The following ERC2 variants were observed in gnomAD, a reference collection of about 807,000 sequenced individuals.
ERC2 encodes the protein ERC protein 2.
ERC2 carries 42 observed loss-of-function variants against 114.8 expected under a neutral mutation model. That is an observed-to-expected ratio of 0.37 (90% CI 0.29 to 0.47). The LOEUF (loss-of-function observed/expected upper bound fraction) is 0.47. Ranked by LOEUF, ERC2 falls within the 20% of genes least tolerant of loss-of-function variation. ERC2 has a pLI of 0.99. For synonymous variants in ERC2, 454 were observed against 425.5 expected, an observed-to-expected ratio of 1.07 and a Z score of -0.82; for missense variants, 939 against 1,150.7, an observed-to-expected ratio of 0.82 and a Z score of 2.66.
At chr3:55,624,774 C>T (rs1277763334) in intron 17 of ERC2, among the ~76,000 whole-genome samples, 1 of 151,992 alleles carries the variant, frequency 6.6e-6, no homozygotes, top group Non-Finnish European at 1.5e-5. Context: ...AAATGGTAAC[C>T]ATGTCTGTGG....
intron 3 of ERC2, among the ~76,000 whole-genome samples, chr3:56,286,619 G>C (rs1158286761): frequency 6.6e-6 from 1 of 151,954 alleles, no homozygotes; most frequent in African/African-American, 2.4e-5. Flanking sequence ...ATCTAATTCA[G>C]GGGTCAGCAC....
chr3:55,525,061 C>T (rs527887216), intron 17 of ERC2, among the ~76,000 whole-genome samples: 2 of 152,308 alleles, frequency 1.3e-5, no homozygotes, highest in African/African-American at 4.8e-5. Context: ...ATGGTTTATC[C>T]TCAGTCCTGA....
At chr3:55,571,316 C>T (rs1203478556) in intron 17 of ERC2, among the ~76,000 whole-genome samples, 1 of 152,000 alleles carries the variant, frequency 6.6e-6, no homozygotes, top group Non-Finnish European at 1.5e-5. Flanking sequence ...GACACTGCCT[C>T]TCCTAGGGCT....
At chr3:55,537,333 C>CT (rs1020551289) in intron 17 of ERC2, among the ~76,000 whole-genome samples, 202 of 152,324 alleles carry the variant, frequency 1.3e-3, no homozygotes, top group African/African-American at 4.6e-3. Flanking sequence ...GTTTCCCCCC[C>CT]TGAAGTGACA....
chr3:56,292,065 G>A (rs1260848306), intron 3 of ERC2, among the ~76,000 whole-genome samples: 1 of 152,168 alleles, frequency 6.6e-6, no homozygotes, highest in Non-Finnish European at 1.5e-5. Context: ...AGTGCAACAA[G>A]AGAAAAGCAA....
chr3:56,018,930 A>G lies in ERC2; in HGVS notation c.1743T>C (p.Thr581=), dbSNP rs2073513109. 2 of 1,613,264 alleles carry G rather than the reference A, an allele frequency of 1.2e-6. No homozygotes were observed. Among genetic ancestry groups the G allele is most frequent in the Non-Finnish European group, 1.7e-6 (2 of 1,179,496 alleles). The part of the protein sequence containing the change: ...SLQTDSSNTD[T]ALATLEEALS... ...GAGCTTCCTCTAGCGTCGCCAGTGC[A>G]GTATCTGTATTACTGGAATCCGTCT... is the stretch of plus-strand genomic sequence containing the variant. The change falls in exon 8 of 18, where the codon ACT becomes ACC. Residue 581 remains threonine (T), a synonymous_variant. Coordinates refer to ENST00000288221, the MANE Select transcript of ERC2 (RefSeq NM_015576.3).
At chr3:55,547,924 G>A (rs1232336552) in intron 17 of ERC2, among the ~76,000 whole-genome samples, 2 of 152,186 alleles carry the variant, frequency 1.3e-5, no homozygotes, top group Non-Finnish European at 2.9e-5. Context: ...GTTTTCCTGG[G>A]TCCCCATCCA....
intron 14 of ERC2, among the ~76,000 whole-genome samples, chr3:55,832,424 A>G (rs922591247): frequency 1.3e-5 from 2 of 152,204 alleles, no homozygotes; most frequent in African/African-American, 2.4e-5. Flanking sequence ...CAGAGGAACG[A>G]TCAGACAGCA....
intron 15 of ERC2, among the ~76,000 whole-genome samples, chr3:55,725,166 A>T (rs1476500275): frequency 6.6e-6 from 1 of 152,212 alleles, no homozygotes; most frequent in Non-Finnish European, 1.5e-5. Flanking sequence ...TTACTGAAGC[A>T]AAGTTGGCAA....
chr3:55,553,608 G>A (rs1033330411), intron 17 of ERC2, among the ~76,000 whole-genome samples: 1 of 151,958 alleles, frequency 6.6e-6, no homozygotes, highest in Non-Finnish European at 1.5e-5. Flanking sequence ...GTGAAACCCT[G>A]TCTCTACTAA....
intron 3 of ERC2, among the ~76,000 whole-genome samples, chr3:56,202,440 A>G (rs2048459018): frequency 1.3e-5 from 2 of 151,930 alleles, no homozygotes; most frequent in Non-Finnish European, 2.9e-5. Context: ...CTGCACTGCA[A>G]TCTACAGCAA....
At chr3:55,559,937 T>C (rs1387615232) in intron 17 of ERC2, among the ~76,000 whole-genome samples, 1 of 152,330 alleles carries the variant, frequency 6.6e-6, no homozygotes, top group East Asian at 1.9e-4. Context: ...CCACAGGGGC[T>C]GCTCAGACAT....
At chr3:56,041,820 G>A (rs2075208217) in intron 7 of ERC2, among the ~76,000 whole-genome samples, 1 of 152,080 alleles carries the variant, frequency 6.6e-6, no homozygotes, top group Non-Finnish European at 1.5e-5. Flanking sequence ...TTTTATGATT[G>A]CCTGTCGTAC....
intron 14 of ERC2, among the ~76,000 whole-genome samples, chr3:55,886,635 G>C (rs1321992981): frequency 6.6e-6 from 1 of 151,984 alleles, no homozygotes; most frequent in Non-Finnish European, 1.5e-5. Context: ...TATTTTTGGT[G>C]TTTCTCAGCT....
chr3:55,837,546 A>C (rs537576192), intron 14 of ERC2, among the ~76,000 whole-genome samples: 2 of 146,424 alleles, frequency 1.4e-5, no homozygotes, highest in African/African-American at 2.5e-5. Flanking sequence ...TAGGTGGGAA[A>C]TGAACAATGA....
intron 3 of ERC2, among the ~76,000 whole-genome samples, chr3:56,221,541 G>T (rs1442849542): frequency 1.3e-5 from 2 of 152,138 alleles, no homozygotes; most frequent in African/African-American, 2.4e-5. Context: ...TTATGAACTT[G>T]CCCAAAGCCA....
chr3:56,133,524 C>G (rs796722878), intron 6 of ERC2, among the ~76,000 whole-genome samples: 2 of 152,208 alleles, frequency 1.3e-5, no homozygotes, highest in Admixed American at 1.3e-4. Context: ...CACTGGGACT[C>G]TCATGGAAAT....
At position 56,207,466 on chromosome 3, in the gene ERC2, A is replaced by G. The variant is rs145595640; in HGVS notation, c.1075-33946T>C. ...CTAAAACTGGTATCATATGATATAT[A>G]AAGCTTAGTTCTGCCTCTTTCATTT... On this transcript the variant is annotated intron_variant, in intron 3 of 17. Coordinates refer to ENST00000288221, the MANE Select transcript of ERC2 (RefSeq NM_015576.3). Among the ~76,000 whole-genome samples, 438 of 152,230 alleles carry G rather than the reference A, an allele frequency of 2.9e-3. 3 individuals carry two copies. The highest frequency in any genetic ancestry group is 0.024 in the South Asian group (115 of 4,818).
intron 17 of ERC2, among the ~76,000 whole-genome samples, chr3:55,608,485 G>T (rs1367970317): frequency 1.3e-5 from 2 of 152,146 alleles, no homozygotes; most frequent in Non-Finnish European, 2.9e-5. Context: ...ATCACAAAGA[G>T]GTCTTTAAGG....
Sources: gnomAD v4.1 joint callset for allele counts (sites outside exome capture counted in the v4.1 genomes callset) on GRCh38, gnomAD v4.1.1 for gene constraint, MANE v1.5 for transcripts, NCBI Gene and HGNC (gene_info 2026-07-23, HGNC 2026-07-21) for gene names.